Variants in GATAD2A observed in about 807,000 individuals in gnomAD.
The protein encoded by GATAD2A is GATA zinc finger domain containing 2A, also known as transcriptional repressor p66-alpha.
In GATAD2A, 12 loss-of-function variants were observed where a neutral mutation model predicts 68.5. That is an observed-to-expected ratio of 0.18 (90% CI 0.11 to 0.28). The LOEUF (loss-of-function observed/expected upper bound fraction) is 0.28. Among genes scored for constraint, GATAD2A ranks in the 10% least tolerant of loss-of-function variants. GATAD2A has a pLI of 1.00. For synonymous variants in GATAD2A, 410 were observed against 375.3 expected, an observed-to-expected ratio of 1.09 and a Z score of -1.07; for missense variants, 755 against 868.5, an observed-to-expected ratio of 0.87 and a Z score of 1.64.
chr19:19,394,636 G>A (rs549478832), intron 1 of GATAD2A, among the ~76,000 whole-genome samples: 1 of 152,106 alleles, frequency 6.6e-6, no homozygotes, highest in South Asian at 2.1e-4. Context: ...TAGTAGAGAC[G>A]GGGTTTCACT....
intron 1 of GATAD2A, among the ~76,000 whole-genome samples, chr19:19,427,292 C>T (rs564551095): frequency 2.6e-5 from 4 of 152,188 alleles, no homozygotes; most frequent in South Asian, 4.1e-4. Context: ...ATTTTGTGTA[C>T]GTTTTACCAC....
At chr19:19,476,131 T>C (rs773513242) in intron 2 of GATAD2A, among the ~76,000 whole-genome samples, 1 of 152,224 alleles carries the variant, frequency 6.6e-6, no homozygotes, top group Non-Finnish European at 1.5e-5. Context: ...GTGCAGGCTC[T>C]CTGGGGATGT....
intron 1 of GATAD2A, among the ~76,000 whole-genome samples, chr19:19,426,678 T>A (rs1466247146): frequency 3.3e-5 from 5 of 151,834 alleles, no homozygotes; most frequent in Admixed American, 2.6e-4. Flanking sequence ...CCCTGGCAAA[T>A]TTTTTTTGTA....
intron 1 of GATAD2A, among the ~76,000 whole-genome samples, chr19:19,433,726 AAC>A (rs1183886201): frequency 3.9e-5 from 6 of 152,232 alleles, no homozygotes; most frequent in Non-Finnish European, 8.8e-5. Flanking sequence ...TGAAAAGTGT[AAC>A]ACTAAAATAA....
intron 2 of GATAD2A, among the ~76,000 whole-genome samples, chr19:19,488,180 G>A (rs1023205083): frequency 4.6e-5 from 7 of 152,184 alleles, no homozygotes; most frequent in Non-Finnish European, 7.3e-5. Context: ...CTGCTATGGC[G>A]GTGACAGCGG....
At chr19:19,434,329 T>C (rs2054082623) in intron 1 of GATAD2A, among the ~76,000 whole-genome samples, 1 of 152,140 alleles carries the variant, frequency 6.6e-6, no homozygotes, top group Non-Finnish European at 1.5e-5. Flanking sequence ...GGACTAATGC[T>C]GCCCATTGGG....
rs36052091 is a variant in GATAD2A at position 19,504,640 on chromosome 19, CTTTTTTT to C, written c.1775-693_1775-687del. On this transcript the variant is annotated intron_variant, in intron 11 of 11. Transcript: ENST00000683918. The stretch of plus-strand genomic sequence containing the variant: ...GAGGGTAGGAGATAGTTTTTTTTTC[CTTTTTTT>C]TTTTTTTTTTCTTCTTTTGGAGAAG... Among the ~76,000 whole-genome samples, 40 of 137,162 alleles carry C rather than the reference CTTTTTTT, an allele frequency of 2.9e-4. No individual in the cohort carries two copies. The South Asian group carries it at 8.0e-3, about 27-fold the overall frequency. 90.0% of individuals were successfully genotyped at this position (137,162 alleles called of 152,430 possible).
intron 4 of GATAD2A, 116 bp downstream of exon 4, chr19:19,492,828 G>T: frequency 2.1e-6 from 2 of 975,318 alleles, no homozygotes; most frequent in Non-Finnish European, 3.1e-6. Context: ...GGAGTATAGG[G>T]CAAGGTCCCA....
intron 2 of GATAD2A, chr19:19,472,364 G>T (rs939832507): frequency 6.6e-6 from 1 of 150,478 alleles, no homozygotes; most frequent in Non-Finnish European, 1.5e-5. Flanking sequence ...ATGGAGTTTC[G>T]TTCTTGTTGC....
chr19:19,491,060 A>G (rs1457755779), intron 2 of GATAD2A, among the ~76,000 whole-genome samples: 1 of 152,194 alleles, frequency 6.6e-6, no homozygotes, highest in Non-Finnish European at 1.5e-5. Flanking sequence ...AGCTGTACAC[A>G]TACATCCTAG....
intron 1 of GATAD2A, among the ~76,000 whole-genome samples, chr19:19,454,940 G>A (rs895407570): frequency 2.0e-5 from 3 of 152,218 alleles, no homozygotes; most frequent in South Asian, 4.1e-4. Flanking sequence ...TGGCCCACAA[G>A]GTGGTGGCCT....
intron 10 of GATAD2A, 120 bp from the exon 11 acceptor site, chr19:19,502,211 C>A: frequency 2.1e-6 from 2 of 935,982 alleles, no homozygotes; most frequent in Non-Finnish European, 3.2e-6. Context: ...TGATTTTGGA[C>A]TTTAGGGACC....
chr19:19,426,920 A>G (rs1014691339), intron 1 of GATAD2A, among the ~76,000 whole-genome samples: 8 of 152,154 alleles, frequency 5.3e-5, no homozygotes, highest in African/African-American at 1.9e-4. Flanking sequence ...TTTCAGAACC[A>G]TGCTTTGTTT....
At chr19:19,420,425 A>G (rs1402304050) in intron 1 of GATAD2A, among the ~76,000 whole-genome samples, 13 of 142,348 alleles carry the variant, frequency 9.1e-5, no homozygotes, top group Admixed American at 7.4e-5. Flanking sequence ...TCTGCCTCCC[A>G]GGTTCCCGCC....
chr19:19,456,412 G>A (rs1208148842), intron 1 of GATAD2A, among the ~76,000 whole-genome samples: 1 of 152,144 alleles, frequency 6.6e-6, no homozygotes, highest in Non-Finnish European at 1.5e-5. Context: ...TTTTCCCCGA[G>A]GTGAGGGTCA....
At chr19:19,455,360 T>C (rs2147881747) in intron 1 of GATAD2A, among the ~76,000 whole-genome samples, 1 of 152,152 alleles carries the variant, frequency 6.6e-6, no homozygotes, top group South Asian at 2.1e-4. Flanking sequence ...CGTGGTGGCA[T>C]GTGCCTGTAG....
At chr19:19,447,226 G>A (rs1472439778) in intron 1 of GATAD2A, among the ~76,000 whole-genome samples, 1 of 152,170 alleles carries the variant, frequency 6.6e-6, no homozygotes, top group Non-Finnish European at 1.5e-5. Context: ...AGACCTGGGG[G>A]AGTGGAGATG....
Position 19,507,335 on chromosome 19 carries a change from C to G in GATAD2A, c.*1861C>G, listed in dbSNP as rs922295740. 1 of 152,002 alleles carries G rather than the reference C, an allele frequency of 6.6e-6. No homozygotes were observed. The highest frequency in any genetic ancestry group is 1.5e-5 in the Non-Finnish European group (1 of 68,020). 9.4% of individuals were successfully genotyped at this position (152,002 alleles called of 1,614,324 possible). On this transcript the variant is annotated 3_prime_UTR_variant, in exon 12 of 12. Transcript: ENST00000683918. ...GTGCCTGGCAAATAAATACCTGTCT[C>G]CTACGACCCTGAGCTGTTAGCCCTC... is the stretch of plus-strand genomic sequence containing the variant.
rs2078465031 is a variant in GATAD2A at position 19,492,723 on chromosome 19, G to A, written c.534+11G>A. 1 of 1,613,898 alleles carries A rather than the reference G, an allele frequency of 6.2e-7. No homozygotes were observed. The highest frequency in any genetic ancestry group is 1.7e-5 in the Admixed American group (1 of 60,024). On this transcript the variant is annotated intron_variant, in intron 4 of 11. Transcript: ENST00000683918. The stretch of plus-strand genomic sequence containing the variant: ...GCCACCGCCCAGAAGGTGCGTGCCT[G>A]TCTCCCCTCCTTCCTGGGCCAGCAG...
Sources: gnomAD v4.1 joint callset for allele counts (sites outside exome capture counted in the v4.1 genomes callset) on GRCh38, gnomAD v4.1.1 for gene constraint, MANE v1.5 for transcripts, NCBI Gene and HGNC (gene_info 2026-07-23, HGNC 2026-07-21) for gene names.